Variants in ADAMTSL1 observed in about 807,000 individuals in gnomAD.
ADAMTSL1 encodes the protein ADAMTS like 1.
In ADAMTSL1, 126 loss-of-function variants were observed where a neutral mutation model predicts 201.8. That is an observed-to-expected ratio of 0.62 (90% confidence interval 0.54 to 0.72). The LOEUF (loss-of-function observed/expected upper bound fraction) is 0.72, where lower values mean the gene tolerates loss of function less well. Among genes scored for constraint, ADAMTSL1 ranks in the 30% least tolerant of loss-of-function variants. The pLI is 0.00. For missense variants in ADAMTSL1, 2,679 were observed against 2,277.8 expected (o/e 1.18, Z -3.59); for synonymous variants, 1,121 against 903.4 (o/e 1.24, Z -4.32).
chr9:17,975,404 G>A (rs80287191), intron 1 of ADAMTSL1, among the ~76,000 whole-genome samples: 8,289 of 152,044 alleles, frequency 0.055, 574 homozygotes, highest in African/African-American at 0.16. Context: ...GTGAGAGCTC[G>A]ATCTCTGATT....
At position 18,909,291 on chromosome 9, in the gene ADAMTSL1, G is replaced by A. The variant is rs567009215; in HGVS notation, c.*743G>A. 6.5e-6 allele frequency: 1 copy of A among 152,852 alleles called. No homozygotes were observed. The highest frequency in any genetic ancestry group is 2.1e-4 in the South Asian group (1 of 4,828). 9.5% of individuals were successfully genotyped at this position (152,852 alleles called of 1,614,324 possible). ...AGCAGGGGCTTCCAGGCTGCATGAG[G>A]CTCATGGACCAGCTCTGATCCCATG... On this transcript the variant is annotated 3_prime_UTR_variant, in exon 29 of 29. Coordinates refer to ENST00000380548, the MANE Select transcript of ADAMTSL1 (RefSeq NM_001040272.6).
intron 2 of ADAMTSL1, among the ~76,000 whole-genome samples, chr9:18,289,636 C>G (rs970622285): frequency 2.0e-5 from 3 of 152,202 alleles, no homozygotes; most frequent in African/African-American, 7.2e-5. Flanking sequence ...CCAGAAAACC[C>G]TGACTTCTCA....
At chr9:18,861,018 C>T (rs902481361) in intron 23 of ADAMTSL1, among the ~76,000 whole-genome samples, 8 of 152,200 alleles carry the variant, frequency 5.3e-5, no homozygotes, top group African/African-American at 9.6e-5. Flanking sequence ...ACACATCCCT[C>T]GTTTCACAGA....
At chr9:18,402,907 C>G (rs1247647289) in intron 2 of ADAMTSL1, among the ~76,000 whole-genome samples, 3 of 152,092 alleles carry the variant, frequency 2.0e-5, no homozygotes, top group Non-Finnish European at 4.4e-5. Flanking sequence ...TTACTAGATG[C>G]TAGGTTCAGT....
intron 2 of ADAMTSL1, among the ~76,000 whole-genome samples, chr9:18,308,176 T>G (rs1833981046): frequency 1.3e-5 from 2 of 152,106 alleles, no homozygotes; most frequent in African/African-American, 4.8e-5. Context: ...CCAGAATCTC[T>G]GGGACACAGC....
chr9:18,413,065 A>G (rs1340634543), intron 2 of ADAMTSL1, among the ~76,000 whole-genome samples: 2 of 151,738 alleles, frequency 1.3e-5, no homozygotes, highest in Admixed American at 1.3e-4. Context: ...CTTTTTCTAT[A>G]CTCTGAACTA....
chr9:18,663,396 G>A (rs1020651276), intron 9 of ADAMTSL1, among the ~76,000 whole-genome samples: 27 of 152,120 alleles, frequency 1.8e-4, no homozygotes, highest in African/African-American at 4.6e-4. Flanking sequence ...AATTGGATAC[G>A]ACATAAAAAC....
At chr9:18,646,053 C>G (rs1827790409) in intron 7 of ADAMTSL1, among the ~76,000 whole-genome samples, 2 of 152,166 alleles carry the variant, frequency 1.3e-5, no homozygotes, top group South Asian at 4.2e-4. Context: ...TTTGTATCCT[C>G]TTTTATTTCC....
At chr9:18,076,703 A>T (rs1823243628) in intron 1 of ADAMTSL1, among the ~76,000 whole-genome samples, 1 of 152,192 alleles carries the variant, frequency 6.6e-6, no homozygotes, top group African/African-American at 2.4e-5. Flanking sequence ...TGAGCAGGGA[A>T]CCACTGTTAA....
At chr9:18,864,276 C>T (rs949294327) in intron 23 of ADAMTSL1, among the ~76,000 whole-genome samples, 1 of 152,120 alleles carries the variant, frequency 6.6e-6, no homozygotes, top group African/African-American at 2.4e-5. Flanking sequence ...AGCTGTTTGG[C>T]TGGAGAGGGG....
At chr9:18,722,895 A>G (rs978530776) in intron 15 of ADAMTSL1, 1 of 701,696 alleles carries the variant, frequency 1.4e-6, no homozygotes, top group Non-Finnish European at 2.6e-6. Context: ...CTCGTTTTCT[A>G]TCCCTGCCCC....
At chr9:18,638,083 C>A (rs538789113) in intron 6 of ADAMTSL1, among the ~76,000 whole-genome samples, 1 of 152,020 alleles carries the variant, frequency 6.6e-6, no homozygotes, top group African/African-American at 2.4e-5. Context: ...CTTTAATGTG[C>A]CCTGTATTTT....
intron 1 of ADAMTSL1, among the ~76,000 whole-genome samples, chr9:17,972,562 G>A (rs1477062316): frequency 6.6e-6 from 1 of 151,764 alleles, no homozygotes; most frequent in African/African-American, 2.4e-5. Context: ...CCAGTCTACT[G>A]TTGTTGGACA....
At chr9:18,314,132 T>C (rs771730032) in intron 2 of ADAMTSL1, among the ~76,000 whole-genome samples, 35 of 152,178 alleles carry the variant, frequency 2.3e-4, no homozygotes, top group Non-Finnish European at 4.1e-4. Flanking sequence ...CACAGTGAGA[T>C]ATCATCTCAC....
intron 1 of ADAMTSL1, among the ~76,000 whole-genome samples, chr9:18,492,554 T>C (rs551460063): frequency 2.6e-5 from 4 of 152,318 alleles, no homozygotes; most frequent in Admixed American, 2.0e-4. Context: ...ACTGAAGCTG[T>C]AGGACTGCCT....
At position 18,801,278 on chromosome 9, in the gene ADAMTSL1, A is replaced by C. The variant is rs142424687; in HGVS notation, c.3805+5754A>C. ...AAACTATTTTTTCAGCTTTATTGAG[A>C]TATAATGTACATATCACAAAATTCT... On this transcript the variant is annotated intron_variant, in intron 20 of 28. Transcript: ENST00000380548. Among the ~76,000 whole-genome samples, 797 of 152,334 alleles carry C rather than the reference A, an allele frequency of 5.2e-3. 8 individuals carry two copies. Among genetic ancestry groups the C allele is most frequent in the South Asian group, 0.044 (210 of 4,824 alleles).
chr9:18,291,392 A>G (rs1704584184), intron 2 of ADAMTSL1, among the ~76,000 whole-genome samples: 1 of 152,188 alleles, frequency 6.6e-6, no homozygotes, highest in Admixed American at 6.5e-5. Flanking sequence ...GCTCTCATTT[A>G]TTCATTCACT....
chr9:18,521,913 G>T (rs1436409399), intron 2 of ADAMTSL1, among the ~76,000 whole-genome samples: 1 of 152,162 alleles, frequency 6.6e-6, no homozygotes, highest in East Asian at 1.9e-4. Context: ...TCTCTCCCAT[G>T]TGAGGTAAGA....
chr9:18,680,444 C>G lies in ADAMTSL1; in HGVS notation c.1269C>G (p.Thr423=). ...TSVEEWKCMY[T]PKMPIAQPCN... ...TGGAAGAGTGGAAATGCATGTACACCCCTAAGATGCCCATCGCGCAGCCCT... is the reference window on the plus strand; with the variant it reads ...TGGAAGAGTGGAAATGCATGTACACGCCTAAGATGCCCATCGCGCAGCCCT... Residue 423 remains threonine, a synonymous_variant, in exon 11 of 29, where the codon ACC becomes ACG. Coordinates refer to ENST00000380548, the MANE Select transcript of ADAMTSL1 (RefSeq NM_001040272.6). 1 of 1,614,110 alleles carries G rather than the reference C, an allele frequency of 6.2e-7. No individual in the cohort carries two copies.
Sources: allele counts gnomAD v4.1 joint callset (sites outside exome capture counted in the v4.1 genomes callset), GRCh38; gene constraint gnomAD v4.1.1; transcripts MANE v1.5; gene names NCBI Gene and HGNC (gene_info 2026-07-23, HGNC 2026-07-21).